Variants in ESYT1 observed in about 807,000 individuals in gnomAD.
ESYT1 encodes extended synaptotagmin 1.
In ESYT1, 116 loss-of-function variants were observed where a neutral mutation model predicts 154.2. The observed-to-expected ratio is 0.75, with a 90% CI of 0.65 to 0.88. The LOEUF (loss-of-function observed/expected upper bound fraction) is 0.88, where lower values mean the gene tolerates loss of function less well. Ranked by LOEUF, ESYT1 falls within the 40% of genes least tolerant of loss-of-function variation. The probability of loss-of-function intolerance (pLI) is 0.00; values close to 1 mark genes in which losing one functional copy is unlikely to be tolerated. For synonymous variants in ESYT1, 500 were observed against 539.9 expected (o/e 0.93, Z 1.02); for missense variants, 1,264 against 1,379.3 (o/e 0.92, Z 1.32).
chr12:56,132,443 T>A lies in ESYT1; in HGVS notation c.1007T>A (p.Leu336Gln), dbSNP rs1322417005. ...CAGGGCATTATTCGAATTCACCTGC[T>A]GGCTGCTCGAGGGCTGAGTTCCAAG... is the stretch of plus-strand genomic sequence containing the variant. ...LPRGIIRIHL[L>Q]AARGLSSKDK... The change falls in exon 9 of 31, where the codon CTG becomes CAG. Residue 336 changes from leucine (L) to glutamine (Q), a missense_variant. Leu to Gln is a moderately radical substitution (Grantham distance 113). Coordinates refer to ENST00000394048, the MANE Select transcript of ESYT1 (RefSeq NM_015292.3). 2 of 1,614,204 alleles carry A rather than the reference T, an allele frequency of 1.2e-6. No individual in the cohort carries two copies. Among genetic ancestry groups the A allele is most frequent in the Non-Finnish European group, 1.7e-6 (2 of 1,180,044 alleles).
chr12:56,132,421 G>A lies in ESYT1; in HGVS notation c.985G>A (p.Gly329Ser), dbSNP rs756624685. 1 of 1,614,060 alleles carries A rather than the reference G, an allele frequency of 6.2e-7. No individual in the cohort carries two copies. The highest frequency in any genetic ancestry group is 1.7e-5 in the Admixed American group (1 of 60,008). Reference sequence around the variant, plus strand: ...CTCACCATCTGATTCCTTCCTCCAGGGCATTATTCGAATTCACCTGCTGGC... The same window carrying A: ...CTCACCATCTGATTCCTTCCTCCAGAGCATTATTCGAATTCACCTGCTGGC... ...VAQLRSPLPR[G>S]IIRIHLLAAR... Residue 329 changes from glycine to serine, a missense_variant and splice_region_variant, in exon 9 of 31, where the codon GGC becomes AGC. Physicochemically the swap from Gly to Ser is moderately conservative, Grantham distance 56. Coordinates refer to ENST00000394048, the MANE Select transcript of ESYT1 (RefSeq NM_015292.3).
Position 56,132,247 on chromosome 12 carries a change from C to T in ESYT1, c.899C>T (p.Ala300Val). 1 of 1,614,166 alleles carries T rather than the reference C, an allele frequency of 6.2e-7. No homozygotes were observed. The highest frequency in any genetic ancestry group is 1.1e-5 in the South Asian group (1 of 91,082). Residue 300 changes from alanine (A) to valine (V), a missense_variant, in exon 8 of 31, where the codon GCC (alanine) becomes GTC (valine). Coordinates refer to ENST00000394048, the MANE Select transcript of ESYT1 (RefSeq NM_015292.3). ...ACCATGATCATGGACTCCATTGCTGCCTTCCTCGTGTTGCCCAACCGATTA... is the reference window on the plus strand; with the variant it reads ...ACCATGATCATGGACTCCATTGCTGTCTTCCTCGTGTTGCCCAACCGATTA... ...SDTMIMDSIA[A>V]FLVLPNRLLV...
chr12:56,141,683 T>G (rs1422833752), intron 24 of ESYT1, among the ~76,000 whole-genome samples: 1 of 152,136 alleles, frequency 6.6e-6, no homozygotes, highest in East Asian at 1.9e-4. Context: ...GAGCTTGCAG[T>G]GAGCTGAGAT....
chr12:56,141,657 G>C (rs887439702), intron 24 of ESYT1, among the ~76,000 whole-genome samples: 1 of 152,034 alleles, frequency 6.6e-6, no homozygotes, highest in Non-Finnish European at 1.5e-5. Flanking sequence ...GGAGAATGGC[G>C]TGAACCCAGG....
Position 56,132,504 on chromosome 12 carries a change from A to G in ESYT1, c.1068A>G (p.Ser356=), listed in dbSNP as rs1192202094. The change falls in exon 9 of 31, where the codon TCA becomes TCG. Residue 356 remains serine, a synonymous_variant. Transcript: ENST00000394048. ...TGAAGGGCCTGATTGAGGGCAAGTC[A>G]GACCCATATGCACTTGTGCGTTTGG... ...KYVKGLIEGK[S]DPYALVRLGT... is the part of the protein sequence containing the mutation. 1 of 1,614,220 alleles carries G rather than the reference A, an allele frequency of 6.2e-7. No individual in the cohort carries two copies.
intron 19 of ESYT1, 40 bp from the exon 20 acceptor site, chr12:56,137,986 C>G (rs1219159895): frequency 1.9e-6 from 3 of 1,613,672 alleles, no homozygotes; most frequent in Non-Finnish European, 2.5e-6. Context: ...CTCCTTGGTT[C>G]TCACCATCTA....
intron 1 of ESYT1, 84 bp downstream of exon 1, chr12:56,128,793 T>G (rs1870110896): frequency 6.5e-7 from 1 of 1,540,998 alleles, no homozygotes; most frequent in Non-Finnish European, 8.8e-7. Context: ...ATGCCTAGAG[T>G]CAGCTCCCTG....
In ESYT1 at chr12:56,137,661, A is replaced by C. The variant is rs766479103; in HGVS notation, c.2101A>C (p.Asn701His). Residue 701 changes from asparagine (N) to histidine (H), a missense_variant, in exon 18 of 31, where the codon AAT (asparagine) becomes CAT (histidine). By Grantham distance (68) the Asn-to-His change is moderately conservative. Transcript: ENST00000394048. ...TCGGGAAGATCTCAATCCCCGCTGG[A>C]ATGAGGTTTTTGAGGTCAGAATTGA... ...VVREDLNPRW[N>H]EVFEVIVTSV... 9 of 1,613,902 alleles carry C rather than the reference A, an allele frequency of 5.6e-6. No homozygotes were observed. The highest frequency in any genetic ancestry group is 7.6e-6 in the Non-Finnish European group (9 of 1,179,970).
Position 56,137,240 on chromosome 12 carries a change from A to C in ESYT1, c.1805A>C (p.Glu602Ala). The change falls in exon 17 of 31, where the codon GAA (glutamate) becomes GCA (alanine). Residue 602 changes from glutamate to alanine, a missense_variant. Physicochemically the swap from Glu to Ala is moderately radical, Grantham distance 107. Transcript: ENST00000394048. ...TAGATCCTGTACTTGGATTCATCAGAAATATGCTTCCCCACGGTGCCTGGT... is the reference window on the plus strand; with the variant it reads ...TAGATCCTGTACTTGGATTCATCAGCAATATGCTTCCCCACGGTGCCTGGT... ...VMRILYLDSS[E>A]ICFPTVPGCP... The C allele has an allele frequency of 1.2e-6, 2 of 1,614,120 alleles. No homozygotes were observed. The highest frequency in any genetic ancestry group is 1.7e-6 in the Non-Finnish European group (2 of 1,180,028).
At chr12:56,131,391 T>C in intron 5 of ESYT1, 75 bp downstream of exon 5, 2 of 1,609,132 alleles carry the variant, frequency 1.2e-6, no homozygotes, top group South Asian at 2.2e-5. Flanking sequence ...AAGTGTGAGG[T>C]TGGAAAGACC....
rs1870481193 is a variant in ESYT1, at chr12:56,136,889, T to C, written c.1778T>C (p.Met593Thr). ...TCCAGACTCTATATGAAACTAGTCA[T>C]GAGGGTATGGAAATAGAGGAGGTAC... is the stretch of plus-strand genomic sequence containing the variant. ...PNSRLYMKLV[M>T]RILYLDSSEI... The change falls in exon 16 of 31, where the codon ATG becomes ACG. Residue 593 changes from methionine (M) to threonine (T), a missense_variant. Transcript: ENST00000394048. The C allele has an allele frequency of 1.9e-6, 3 of 1,595,974 alleles. No individual in the cohort carries two copies. The highest frequency in any genetic ancestry group is 2.6e-6 in the Non-Finnish European group (3 of 1,169,736).
rs921876431 is a variant in ESYT1 at position 56,142,184 on chromosome 12, C to G, written c.2593-101C>G. 1.4e-6 allele frequency: 2 copies of G among 1,412,644 alleles called. No individual in the cohort carries two copies. The highest frequency in any genetic ancestry group is 1.9e-6 in the Non-Finnish European group (2 of 1,036,386). The allele number at this position is 1,412,644 out of a possible 1,614,324, so 87.5% of individuals were successfully genotyped here. ...CTGCCTTTCTCAAAGGGAAATCTCA[C>G]CAAACCACCTATGAGTCCAAGCGTT... On this transcript the variant is annotated intron_variant, in intron 24 of 30. Transcript: ENST00000394048. This position sits in a 1 kb window ranked among gnomAD's most constrained non-coding sequence, Gnocchi z 4.1.
At chr12:56,141,385 ATTTACT>A (rs1870677385) in intron 24 of ESYT1, among the ~76,000 whole-genome samples, 1 of 152,174 alleles carries the variant, frequency 6.6e-6, no homozygotes, top group African/African-American at 2.4e-5. Context: ...GGCAAGAAAC[ATTTACT>A]TTTAGTTCTG....
In ESYT1 at chr12:56,140,275, G is replaced by A. The variant is rs553151925; in HGVS notation, c.2592+1262G>A. 4.7e-4 allele frequency among the ~76,000 whole-genome samples: 72 copies of A among 152,204 alleles called. 1 individual carries two copies. The highest frequency in any genetic ancestry group is 9.2e-4 in the Admixed American group (14 of 15,282). ...GAGAAGGCATATTTATTATAGATCA[G>A]AGAGGCAGGCAGAGCAAGATCATAG... On this transcript the variant is annotated intron_variant, in intron 24 of 30. Transcript: ENST00000394048.
rs1870479795 is a variant in ESYT1 at position 56,136,871 on chromosome 12, T to C, written c.1760T>C (p.Leu587Pro). 5 of 1,607,962 alleles carry C rather than the reference T, an allele frequency of 3.1e-6. No individual in the cohort carries two copies. Among genetic ancestry groups the C allele is most frequent in the Non-Finnish European group, 4.3e-6 (5 of 1,176,250 alleles). ...QLSSSGPNSR[L>P]YMKLVMRILY... Reference sequence around the variant, plus strand: ...AGCAGCTCTGGTCCAAACTCCAGACTCTATATGAAACTAGTCATGAGGGTA... The same window carrying C: ...AGCAGCTCTGGTCCAAACTCCAGACCCTATATGAAACTAGTCATGAGGGTA... Residue 587 changes from leucine (L) to proline (P), a missense_variant, in exon 16 of 31, where the codon CTC becomes CCC. Coordinates refer to ENST00000394048, the MANE Select transcript of ESYT1 (RefSeq NM_015292.3).
rs570524793 is a variant in ESYT1, at chr12:56,131,566, G to A, written c.804G>A (p.Pro268=). Residue 268 remains proline (P), a splice_region_variant and synonymous_variant, in exon 6 of 31, where the codon CCG becomes CCA. Coordinates refer to ENST00000394048, the MANE Select transcript of ESYT1 (RefSeq NM_015292.3). ...GAVSMFFIRR[P]TLDINWTGMT... Reference sequence around the variant, plus strand: ...TGTCAATGTTCTTCATCCGACGCCCGGTAAGGGAAAACAATGAAGGGGTAT... The same window carrying A: ...TGTCAATGTTCTTCATCCGACGCCCAGTAAGGGAAAACAATGAAGGGGTAT... 1.7e-5 allele frequency: 27 copies of A among 1,613,928 alleles called. No homozygotes were observed. In the African/African-American group the frequency reaches 1.9e-4, roughly 11 times the overall value.
At chr12:56,134,037 G>C (rs762396739) in intron 13 of ESYT1, 73 bp from the exon 14 acceptor site, 2 of 1,584,554 alleles carry the variant, frequency 1.3e-6, no homozygotes, top group Non-Finnish European at 1.7e-6. Flanking sequence ...ATTCTGATGC[G>C]ATCCCACCTT....
At position 56,138,174 on chromosome 12, in the gene ESYT1, C is replaced by T; in HGVS notation, c.2248-9C>T. Reference sequence around the variant, plus strand: ...TATCCCCAAGTCTTCACCCTGCCTACTTCCACAGTGGCTGACCCTGGAGGA... The same window carrying T: ...TATCCCCAAGTCTTCACCCTGCCTATTTCCACAGTGGCTGACCCTGGAGGA... On this transcript the variant is annotated splice_polypyrimidine_tract_variant and intron_variant, in intron 20 of 30. Coordinates refer to ENST00000394048, the MANE Select transcript of ESYT1 (RefSeq NM_015292.3). The T allele has an allele frequency of 6.2e-7, 1 of 1,614,200 alleles. No homozygotes were observed. Among genetic ancestry groups the T allele is most frequent in the African/African-American group, 1.3e-5 (1 of 75,070 alleles).
In ESYT1 at chr12:56,142,596, T is replaced by C; in HGVS notation, c.2752T>C (p.Ser918Pro). The C allele has an allele frequency of 6.2e-7, 1 of 1,614,030 alleles. No homozygotes were observed. ...AQLGILVSQH[S>P]GVEAHSHSYS... ...CCCCTAGATCCTGGTGTCCCAGCAC[T>C]CGGGAGTGGAAGCTCATAGCCACAG... is the stretch of plus-strand genomic sequence containing the variant. Residue 918 changes from serine to proline, a missense_variant, in exon 26 of 31, where the codon TCG becomes CCG. Physicochemically the swap from Ser to Pro is moderately conservative, Grantham distance 74. Coordinates refer to ENST00000394048, the MANE Select transcript of ESYT1 (RefSeq NM_015292.3). This position sits in a 1 kb window ranked among gnomAD's most constrained non-coding sequence, Gnocchi z 4.1.
Sources: allele counts gnomAD v4.1 joint callset (sites outside exome capture counted in the v4.1 genomes callset), GRCh38; gene constraint gnomAD v4.1.1; non-coding constraint Gnocchi (gnomAD v3.1); transcripts MANE v1.5; gene names NCBI Gene and HGNC (gene_info 2026-07-23, HGNC 2026-07-21).